Variants in SRRM1 observed in about 807,000 individuals in gnomAD.
The protein encoded by SRRM1 is serine/arginine repetitive matrix protein 1.
A neutral mutation model predicts 110.2 loss-of-function variants in SRRM1; 19 were observed. That is an observed-to-expected ratio of 0.17 (90% CI 0.12 to 0.25). The LOEUF (loss-of-function observed/expected upper bound fraction) is 0.25, where lower values mean the gene tolerates loss of function less well. Among genes scored for constraint, SRRM1 ranks in the 10% least tolerant of loss-of-function variants. The probability of loss-of-function intolerance (pLI) is 1.00; values close to 1 mark genes in which losing one functional copy is unlikely to be tolerated. For synonymous variants in SRRM1, 443 were observed against 414.9 expected, an observed-to-expected ratio of 1.07 and a Z score of -0.82; for missense variants, 918 against 1,145.8, an observed-to-expected ratio of 0.80 and a Z score of 2.87.
intron 13 of SRRM1, among the ~76,000 whole-genome samples, chr1:24,668,174 G>T (rs972473995): frequency 1.6e-4 from 24 of 151,796 alleles, no homozygotes; most frequent in Admixed American, 1.4e-3. Context: ...GTTTCACCAT[G>T]GTAGCCAGGC....
chr1:24,651,535 G>C lies in SRRM1; in HGVS notation c.648G>C (p.Lys216Asn), dbSNP rs1236359828. ...GGAGTCCTTCCCCTGCTCCAGAAAA[G>C]AAGGAAAAAACTCCAGAGCTCCCAG... is the stretch of plus-strand genomic sequence containing the variant. ...KSRSPSPAPE[K>N]KEKTPELPEP... Residue 216 changes from lysine to asparagine, a missense_variant, in exon 6 of 17, where the codon AAG (lysine) becomes AAC (asparagine). Coordinates refer to ENST00000323848, the MANE Select transcript of SRRM1 (RefSeq NM_005839.4). The C allele has an allele frequency of 6.2e-7, 1 of 1,613,752 alleles. No individual in the cohort carries two copies. The highest frequency in any genetic ancestry group is 1.3e-5 in the African/African-American group (1 of 74,896).
In SRRM1 at chr1:24,653,017, G is replaced by A; in HGVS notation, c.1025G>A (p.Arg342Lys). 1 of 1,613,438 alleles carries A rather than the reference G, an allele frequency of 6.2e-7. No individual in the cohort carries two copies. Among genetic ancestry groups the A allele is most frequent in the South Asian group, 1.1e-5 (1 of 90,940 alleles). The stretch of plus-strand genomic sequence containing the variant: ...CCTCCACCAAGGCATAGAAGGAGTA[G>A]ATCTCCAGTAAGACGGTAAGATTTT... The part of the protein sequence containing the change: ...MPPPPRHRRS[R>K]SPVRRRRRSS... The change falls in exon 8 of 17, where the codon AGA becomes AAA. Residue 342 changes from arginine (R) to lysine (K), a missense_variant. By Grantham distance (26) the Arg-to-Lys change is conservative. This residue lies in a region of SRRM1 where 456 missense variants were observed against 453.5 expected (regional missense o/e 1.01). Transcript: ENST00000323848.
Position 24,671,520 on chromosome 1 carries a change from G to A in SRRM1, c.2535G>A (p.Val845=), listed in dbSNP as rs754747335. 1.9e-5 allele frequency: 30 copies of A among 1,610,862 alleles called. No individual in the cohort carries two copies. In the African/African-American group the frequency reaches 3.6e-4, roughly 19 times the overall value. ...TGGCTGCAGCTGCTGCAGCTGCTGT[G>A]ACCCCTGCAGCCATTGCAGCTGCCA... The part of the protein sequence containing the change: ...KAVAAAAAAA[V]TPAAIAAATT... The change falls in exon 16 of 17, where the codon GTG becomes GTA. Residue 845 remains valine, a synonymous_variant. Transcript: ENST00000323848.
In SRRM1 at chr1:24,657,575, CAG is replaced by C. The variant is rs1202083740; in HGVS notation, c.1315+2447_1315+2448del. ...AATATTTTCCCTAGTGGCCACTAATCAGGGCTTTAGGGCTCTGCTCTTGATAG... is the reference window on the plus strand; with the variant it reads ...AATATTTTCCCTAGTGGCCACTAATCGGCTTTAGGGCTCTGCTCTTGATAG... On this transcript the variant is annotated intron_variant, in intron 9 of 16. Coordinates refer to ENST00000323848, the MANE Select transcript of SRRM1 (RefSeq NM_005839.4). Among the ~76,000 whole-genome samples, 3 of 152,134 alleles carry C rather than the reference CAG, an allele frequency of 2.0e-5. No individual in the cohort carries two copies. The East Asian group carries it at 5.8e-4, about 29-fold the overall frequency.
At chr1:24,670,026 A>AT in intron 14 of SRRM1, 94 bp from the exon 15 acceptor site, 1 of 1,134,382 alleles carries the variant, frequency 8.8e-7, no homozygotes, top group Non-Finnish European at 1.2e-6. Context: ...TATATTTGAA[A>AT]TTCATAACCT....
intron 15 of SRRM1, among the ~76,000 whole-genome samples, chr1:24,670,630 T>G (rs1218251699): frequency 6.6e-6 from 1 of 152,158 alleles, no homozygotes; most frequent in Admixed American, 6.5e-5. Flanking sequence ...TAGCTGGGAT[T>G]ATAGGCACAT....
At chr1:24,655,844 T>C (rs1663766911) in intron 9 of SRRM1, among the ~76,000 whole-genome samples, 1 of 151,864 alleles carries the variant, frequency 6.6e-6, no homozygotes, top group Admixed American at 6.6e-5. Flanking sequence ...AAAAGGTGAG[T>C]AGTAAGGGAT....
Position 24,652,947 on chromosome 1 carries a change from A to G in SRRM1, c.955A>G (p.Arg319Gly). The stretch of plus-strand genomic sequence containing the variant: ...ACCTAGAAGGCGGCCAAGCCCAAGA[A>G]GGCGGCCATCTCCTCGAAGAAGAAC... Reference protein sequence around the residue: ...YSPRRRPSPRRRPSPRRRTPP... With the variant: ...YSPRRRPSPRGRPSPRRRTPP... Residue 319 changes from arginine (R) to glycine (G), a missense_variant, in exon 8 of 17, where the codon AGG (arginine) becomes GGG (glycine). Transcript: ENST00000323848. The G allele has an allele frequency of 1.2e-6, 2 of 1,614,114 alleles. No homozygotes were observed. The highest frequency in any genetic ancestry group is 1.7e-6 in the Non-Finnish European group (2 of 1,179,978).
In SRRM1 at chr1:24,660,710, C is replaced by G; in HGVS notation, c.1316-9C>G. The G allele has an allele frequency of 6.5e-7, 1 of 1,527,004 alleles. No homozygotes were observed. The highest frequency in any genetic ancestry group is 8.8e-7 in the Non-Finnish European group (1 of 1,134,356). The allele number at this position is 1,527,004 out of a possible 1,614,324, so 94.6% of individuals were successfully genotyped here. A position where few individuals can be genotyped will look rare whatever the true frequency, so the allele number is the denominator to read the frequency against. The stretch of plus-strand genomic sequence containing the variant: ...ACGTAAGCTTTTTTCCACTCTTATT[C>G]TTTTTTAGTGACAAAACATAAAGGT... On this transcript the variant is annotated splice_polypyrimidine_tract_variant and intron_variant, in intron 9 of 16. Transcript: ENST00000323848.
At chr1:24,647,608 A>G (rs921963052) in intron 3 of SRRM1, 1 of 152,660 alleles carries the variant, frequency 6.6e-6, no homozygotes, top group African/African-American at 2.4e-5. Context: ...ACCTTTTTGC[A>G]TATATACCAA....
At position 24,670,307 on chromosome 1, in the gene SRRM1, C is replaced by T. The variant is rs1672080153; in HGVS notation, c.2392C>T (p.Pro798Ser). The change falls in exon 15 of 17, where the codon CCG becomes TCG. Residue 798 changes from proline (P) to serine (S), a missense_variant. Pro to Ser is a moderately conservative substitution (Grantham distance 74, BLOSUM62 -1). Transcript: ENST00000323848. ...CAAAAGCCCAACACCGAGCCCATCA[C>T]CGCCAAGAGTATGTGTCTGCCTTAT... ...KAKSPTPSPS[P>S]PRNSDQEGGG... 3 of 1,610,626 alleles carry T rather than the reference C, an allele frequency of 1.9e-6. No homozygotes were observed. The highest frequency in any genetic ancestry group is 3.4e-5 in the Admixed American group (2 of 59,026).
Position 24,669,404 on chromosome 1 carries a change from G to T in SRRM1, c.2021G>T (p.Arg674Leu), listed in dbSNP as rs376931789. The T allele has an allele frequency of 6.2e-7, 1 of 1,614,090 alleles. No homozygotes were observed. Among genetic ancestry groups the T allele is most frequent in the South Asian group, 1.1e-5 (1 of 91,072 alleles). The change falls in exon 14 of 17, where the codon CGA becomes CTA. Residue 674 changes from arginine (R) to leucine (L), a missense_variant. This residue lies in a region of SRRM1 where 357 missense variants were observed against 402.9 expected (regional missense o/e 0.89). Transcript: ENST00000323848. Reference sequence around the variant, plus strand: ...CCAAGCCGCTCTACCCGGGAGGCCCGATCACCACAACCAAACAAACGGCAT... The same window carrying T: ...CCAAGCCGCTCTACCCGGGAGGCCCTATCACCACAACCAAACAAACGGCAT... Reference protein sequence around the residue: ...SSPSRSTREARSPQPNKRHSP... With the variant: ...SSPSRSTREALSPQPNKRHSP...
At chr1:24,654,372 C>A (rs912120096) in intron 8 of SRRM1, 62 of 1,288,236 alleles carry the variant, frequency 4.8e-5, no homozygotes, top group Admixed American at 1.4e-4. Flanking sequence ...GAACTTAACA[C>A]AAATTTTGCC....
chr1:24,655,182 G>A lies in SRRM1; in HGVS notation c.1315+53G>A, dbSNP rs773841287. On this transcript the variant is annotated intron_variant, in intron 9 of 16. Transcript: ENST00000323848. Reference sequence around the variant, plus strand: ...GTCTCTCTTTCTTTGGCTACAAAGCGTAGTCAGTTATTGCCCCCTGCTCAC... The same window carrying A: ...GTCTCTCTTTCTTTGGCTACAAAGCATAGTCAGTTATTGCCCCCTGCTCAC... 3.5e-4 allele frequency: 560 copies of A among 1,584,598 alleles called. 2 individuals carry two copies. The highest frequency in any genetic ancestry group is 2.2e-3 in the Middle Eastern group (13 of 5,974).
chr1:24,650,277 A>G (rs1659871156), intron 5 of SRRM1, among the ~76,000 whole-genome samples, 191 bp downstream of exon 5: 1 of 152,254 alleles, frequency 6.6e-6, no homozygotes, highest in Non-Finnish European at 1.5e-5. Context: ...TAATTTAGCC[A>G]TGAGTGTCTC....
intron 8 of SRRM1, among the ~76,000 whole-genome samples, 197 bp from the exon 9 acceptor site, chr1:24,654,656 TTA>T (rs1216728608): frequency 6.6e-6 from 1 of 152,200 alleles, no homozygotes; most frequent in Non-Finnish European, 1.5e-5. Context: ...ATTAAGTTGT[TTA>T]TATTAATCTC....
intron 3 of SRRM1, chr1:24,647,699 TA>T (rs1254168244): frequency 1.3e-5 from 2 of 152,682 alleles, no homozygotes; most frequent in Admixed American, 6.5e-5. Context: ...TTTCAACTGA[TA>T]AGGTATTTCT....
chr1:24,652,834 A>T lies in SRRM1; in HGVS notation c.921-79A>T, dbSNP rs933171420. Reference sequence around the variant, plus strand: ...TTGATCTTTGAAATTTATTTTTTAGATGTGGCCATTGAGAAAACTAAGCCA... The same window carrying T: ...TTGATCTTTGAAATTTATTTTTTAGTTGTGGCCATTGAGAAAACTAAGCCA... On this transcript the variant is annotated intron_variant, in intron 7 of 16. Coordinates refer to ENST00000323848, the MANE Select transcript of SRRM1 (RefSeq NM_005839.4). The T allele has an allele frequency of 6.0e-6, 9 of 1,497,914 alleles. No individual in the cohort carries two copies. The East Asian group carries it at 9.3e-5, about 15-fold the overall frequency. 92.8% of individuals were successfully genotyped at this position (1,497,914 alleles called of 1,614,324 possible).
chr1:24,652,402 A>C (rs1661501107), intron 6 of SRRM1, 32 bp from the exon 7 acceptor site: 3 of 140,210 alleles, frequency 2.1e-5, no homozygotes, highest in Non-Finnish European at 4.0e-5. Context: ...ACAAGAAGGC[A>C]AAAAAAAAAA....
Sources: gnomAD v4.1 joint callset for allele counts (sites outside exome capture counted in the v4.1 genomes callset) on GRCh38, gnomAD v4.1.1 for gene constraint, gnomAD v4.1.1 regional missense constraint, MANE v1.5 for transcripts, NCBI Gene and HGNC (gene_info 2026-07-23, HGNC 2026-07-21) for gene names.